The following CDYL2 variants were observed in gnomAD, a reference collection of about 807,000 sequenced individuals.
CDYL2 encodes chromodomain Y-like protein 2.
A neutral mutation model predicts 49.4 loss-of-function variants in CDYL2; 23 were observed. That is an observed-to-expected ratio of 0.47 (90% CI 0.34 to 0.66). The LOEUF (loss-of-function observed/expected upper bound fraction) is 0.66, where lower values mean the gene tolerates loss of function less well. Among genes scored for constraint, CDYL2 ranks in the 30% least tolerant of loss-of-function variants. The probability of loss-of-function intolerance (pLI) is 0.01; values close to 1 mark genes in which losing one functional copy is unlikely to be tolerated. For synonymous variants in CDYL2, 360 were observed against 268.8 expected (o/e 1.34, Z -3.32); for missense variants, 678 against 656.4 (o/e 1.03, Z -0.36).
Position 80,614,812 on chromosome 16 carries a change from C to T in CDYL2, c.1008-1976G>A, listed in dbSNP as rs185277458. On this transcript the variant is annotated intron_variant, in intron 4 of 6. Transcript: ENST00000570137. ...CCAGGAGGTGGAGGTTGTAGTGAGCCGAGATCGGGCCACTGCATTCCAGCC... is the reference window on the plus strand; with the variant it reads ...CCAGGAGGTGGAGGTTGTAGTGAGCTGAGATCGGGCCACTGCATTCCAGCC... Among the ~76,000 whole-genome samples the T allele has an allele frequency of 1.6e-4, 24 of 145,458 alleles. No individual in the cohort carries two copies. The Middle Eastern group carries it at 0.018, about 107-fold the overall frequency.
intron 1 of CDYL2, among the ~76,000 whole-genome samples, chr16:80,739,306 GAA>G (rs761210951): frequency 7.9e-5 from 12 of 152,190 alleles, no homozygotes; most frequent in Admixed American, 5.9e-4. Context: ...TTTGCAAGAT[GAA>G]AAGAGTTCTG....
At chr16:80,712,066 G>GTGTGTATATATATGTGTGTATATAT (rs1567580939) in intron 1 of CDYL2, among the ~76,000 whole-genome samples, 1 of 148,030 alleles carries the variant, frequency 6.8e-6, no homozygotes, top group African/African-American at 2.5e-5. Context: ...TGTGTGTATA[G>GTGTGTATATATATGTGTGTATATAT]ATGTGTGTAT....
chr16:80,771,792 C>T (rs557956129), intron 1 of CDYL2, among the ~76,000 whole-genome samples: 33 of 151,664 alleles, frequency 2.2e-4, no homozygotes, highest in African/African-American at 7.3e-4. Context: ...AATATAATGC[C>T]CAAAATTAAG....
intron 2 of CDYL2, among the ~76,000 whole-genome samples, chr16:80,679,291 TAAAC>T (rs147738019): frequency 2.7e-5 from 4 of 150,790 alleles, no homozygotes; most frequent in East Asian, 3.9e-4. Flanking sequence ...AATAAATAAA[TAAAC>T]AAACAAGGAG....
intron 1 of CDYL2, among the ~76,000 whole-genome samples, chr16:80,743,436 A>C (rs964388975): frequency 6.6e-6 from 1 of 152,238 alleles, no homozygotes; most frequent in Non-Finnish European, 1.5e-5. Context: ...AAAGCCCCAC[A>C]GCTGTCTGCA....
chr16:80,631,640 A>C lies in CDYL2; in HGVS notation c.834+1379T>G, dbSNP rs574187658. 2.6e-5 allele frequency among the ~76,000 whole-genome samples: 4 copies of C among 152,374 alleles called. No individual in the cohort carries two copies. In the South Asian group the frequency reaches 8.3e-4, roughly 32 times the overall value. On this transcript the variant is annotated intron_variant, in intron 3 of 6. Coordinates refer to ENST00000570137, the MANE Select transcript of CDYL2 (RefSeq NM_152342.4). The stretch of plus-strand genomic sequence containing the variant: ...TCTCAGAATAGGAGAACATATTTTC[A>C]AGTCAAGTATCTGATAAGGCCTTAC...
At chr16:80,777,682 T>A (rs1163272010) in intron 1 of CDYL2, among the ~76,000 whole-genome samples, 1 of 152,008 alleles carries the variant, frequency 6.6e-6, no homozygotes, top group Non-Finnish European at 1.5e-5. Flanking sequence ...AAAAATCAAG[T>A]CACTGAACAT....
intron 2 of CDYL2, among the ~76,000 whole-genome samples, chr16:80,665,899 C>G (rs1327648694): frequency 6.6e-6 from 1 of 152,164 alleles, no homozygotes; most frequent in East Asian, 1.9e-4. Context: ...GGGGCTGTCC[C>G]TCTTGATTTC....
chr16:80,635,435 C>G (rs4889177), intron 2 of CDYL2, among the ~76,000 whole-genome samples: 17,979 of 152,136 alleles, frequency 0.12, 1,522 homozygotes, highest in Admixed American at 0.28. Context: ...AGACAGCCAG[C>G]CAAATCATGA....
chr16:80,691,373 C>A (rs1597177449), intron 1 of CDYL2, among the ~76,000 whole-genome samples: 1 of 152,124 alleles, frequency 6.6e-6, no homozygotes, highest in Admixed American at 6.6e-5. Context: ...GCTAATCTAG[C>A]CAGAGAAGGC....
intron 1 of CDYL2, among the ~76,000 whole-genome samples, chr16:80,749,529 C>T (rs992109375): frequency 7.2e-5 from 11 of 152,020 alleles, no homozygotes; most frequent in African/African-American, 1.2e-4. Flanking sequence ...TAAAAGATTA[C>T]GCAAATTATT....
chr16:80,695,236 G>C (rs1597180143), intron 1 of CDYL2, among the ~76,000 whole-genome samples: 1 of 152,210 alleles, frequency 6.6e-6, no homozygotes, highest in Admixed American at 6.5e-5. Context: ...TTGTCACACA[G>C]AGTGTTCAGC....
At chr16:80,627,573 T>G (rs1378001823) in intron 3 of CDYL2, 1 of 152,256 alleles carries the variant, frequency 6.6e-6, no homozygotes, top group Non-Finnish European at 1.5e-5. Context: ...TAATTCAATT[T>G]GGACAGATGG....
chr16:80,732,849 T>A (rs1905378140), intron 1 of CDYL2, among the ~76,000 whole-genome samples: 2 of 148,084 alleles, frequency 1.4e-5, no homozygotes, highest in African/African-American at 4.8e-5. Flanking sequence ...TTGGATTGGT[T>A]ATAACCTCTC....
intron 1 of CDYL2, among the ~76,000 whole-genome samples, chr16:80,716,550 G>A (rs1191777029): frequency 2.0e-5 from 3 of 151,980 alleles, no homozygotes; most frequent in East Asian, 3.9e-4. Flanking sequence ...ATGACTAAAT[G>A]GATGATAATG....
At chr16:80,654,609 G>T (rs903420324) in intron 2 of CDYL2, among the ~76,000 whole-genome samples, 4 of 152,172 alleles carry the variant, frequency 2.6e-5, no homozygotes, top group African/African-American at 9.7e-5. Context: ...GTGGGCTCAG[G>T]CTCATAAATG....
At chr16:80,676,811 T>A (rs1224332930) in intron 2 of CDYL2, among the ~76,000 whole-genome samples, 1 of 152,122 alleles carries the variant, frequency 6.6e-6, no homozygotes, top group African/African-American at 2.4e-5. Flanking sequence ...CTGTTCTCCA[T>A]AATCATTTGG....
chr16:80,679,560 A>G (rs1909891520), intron 2 of CDYL2, among the ~76,000 whole-genome samples: 2 of 152,230 alleles, frequency 1.3e-5, no homozygotes, highest in Admixed American at 6.5e-5. Context: ...CACGACTGCC[A>G]TGAGGATCAC....
intron 1 of CDYL2, among the ~76,000 whole-genome samples, chr16:80,739,315 T>A (rs930939989): frequency 9.9e-5 from 15 of 152,184 alleles, no homozygotes; most frequent in Admixed American, 2.6e-4. Flanking sequence ...TGAAAAGAGT[T>A]CTGTGGGTGG....
Sources: allele counts gnomAD v4.1 joint callset (sites outside exome capture counted in the v4.1 genomes callset), GRCh38; gene constraint gnomAD v4.1.1; transcripts MANE v1.5; gene names NCBI Gene and HGNC (gene_info 2026-07-23, HGNC 2026-07-21).